PPM1H: variants seen among roughly 807,000 people sequenced by gnomAD.
PPM1H encodes the protein protein phosphatase, Mg2+/Mn2+ dependent 1H.
PPM1H carries 27 observed loss-of-function variants against 54.9 expected under a neutral mutation model. The observed-to-expected ratio is 0.49, with a 90% CI of 0.36 to 0.68. PPM1H has a LOEUF of 0.68. Ranked by LOEUF, PPM1H falls within the 30% of genes least tolerant of loss-of-function variation. PPM1H has a pLI of 0.00. For synonymous variants in PPM1H, 305 were observed against 270.8 expected (o/e 1.13, Z -1.24); for missense variants, 596 against 667.8 (o/e 0.89, Z 1.19).
chr12:62,820,034 G>T (rs1367261615), intron 2 of PPM1H, among the ~76,000 whole-genome samples: 1 of 152,242 alleles, frequency 6.6e-6, no homozygotes, highest in Non-Finnish European at 1.5e-5. Context: ...GGGAATCCAT[G>T]GCAGATTGTA....
chr12:62,868,350 G>A (rs781447650), intron 1 of PPM1H, among the ~76,000 whole-genome samples: 5 of 151,140 alleles, frequency 3.3e-5, no homozygotes, highest in Non-Finnish European at 5.9e-5. Flanking sequence ...GCTGGAGCCC[G>A]CTTCCTGCTA....
At chr12:62,735,639 G>A (rs2076345847) in intron 5 of PPM1H, among the ~76,000 whole-genome samples, 1 of 152,216 alleles carries the variant, frequency 6.6e-6, no homozygotes, top group South Asian at 2.1e-4. Context: ...CCAGAACACA[G>A]TCTGAAGAGG....
At chr12:62,926,993 A>T (rs1378370703) in intron 1 of PPM1H, among the ~76,000 whole-genome samples, 2 of 152,240 alleles carry the variant, frequency 1.3e-5, no homozygotes, top group Non-Finnish European at 2.9e-5. Flanking sequence ...TTAAATGGCT[A>T]ATAAATATCT....
chr12:62,648,330 G>A lies in PPM1H; in HGVS notation c.*159C>T, dbSNP rs1201817819. On this transcript the variant is annotated 3_prime_UTR_variant, in exon 10 of 10. Transcript: ENST00000228705. ...TACTAAAGAAGAAATGGAAACCAAAGGGTCATCTTGAAGCATAGTCTTTTG... is the reference window on the plus strand; with the variant it reads ...TACTAAAGAAGAAATGGAAACCAAAAGGTCATCTTGAAGCATAGTCTTTTG... 2 of 845,858 alleles carry A rather than the reference G, an allele frequency of 2.4e-6. No homozygotes were observed. Among genetic ancestry groups the A allele is most frequent in the South Asian group, 1.9e-5 (1 of 53,588 alleles). The allele number at this position is 845,858 out of a possible 1,614,324, so 52.4% of individuals were successfully genotyped here. A position where few individuals can be genotyped will look rare whatever the true frequency, so the allele number is the denominator to read the frequency against.
At chr12:62,783,640 A>G (rs940371606) in intron 4 of PPM1H, among the ~76,000 whole-genome samples, 1 of 152,232 alleles carries the variant, frequency 6.6e-6, no homozygotes, top group African/African-American at 2.4e-5. Context: ...AACAGTGCCT[A>G]CTTCTCACTA....
intron 6 of PPM1H, among the ~76,000 whole-genome samples, chr12:62,713,726 T>C (rs2076220569): frequency 6.6e-6 from 1 of 152,064 alleles, no homozygotes; most frequent in Non-Finnish European, 1.5e-5. Flanking sequence ...CCCAGCGCTT[T>C]GGGAGGCTGA....
chr12:62,758,935 T>C (rs567598897), intron 4 of PPM1H, among the ~76,000 whole-genome samples: 1 of 152,340 alleles, frequency 6.6e-6, no homozygotes, highest in Non-Finnish European at 1.5e-5. Context: ...AACCGATCAA[T>C]GTACTTTGTA....
chr12:62,818,247 C>A (rs1344158184), intron 2 of PPM1H, among the ~76,000 whole-genome samples: 8 of 152,128 alleles, frequency 5.3e-5, no homozygotes, highest in Admixed American at 3.9e-4. Context: ...TCACTTGGTA[C>A]CCTCCTCCTC....
intron 8 of PPM1H, among the ~76,000 whole-genome samples, chr12:62,674,073 A>G (rs2075972715): frequency 6.6e-6 from 1 of 152,132 alleles, no homozygotes; most frequent in African/African-American, 2.4e-5. Flanking sequence ...AAACACAAGA[A>G]AAAGGAAATA....
chr12:62,873,295 G>A (rs764864920), intron 1 of PPM1H, among the ~76,000 whole-genome samples: 5 of 152,276 alleles, frequency 3.3e-5, no homozygotes, highest in Middle Eastern at 3.4e-3. Flanking sequence ...ACACACATGC[G>A]CACCTTTTGT....
chr12:62,906,782 T>G (rs1312679520), intron 1 of PPM1H, among the ~76,000 whole-genome samples: 1 of 152,178 alleles, frequency 6.6e-6, no homozygotes, highest in African/African-American at 2.4e-5. Flanking sequence ...GTATTAAAAG[T>G]AGGACAGGGG....
intron 9 of PPM1H, among the ~76,000 whole-genome samples, chr12:62,652,728 T>C (rs1304878400): frequency 6.6e-6 from 1 of 152,200 alleles, no homozygotes; most frequent in Non-Finnish European, 1.5e-5. Flanking sequence ...AATGCCTTCT[T>C]TCATTTTCCA....
intron 2 of PPM1H, among the ~76,000 whole-genome samples, chr12:62,831,167 T>G (rs1592622986): frequency 1.3e-5 from 2 of 152,218 alleles, no homozygotes; most frequent in African/African-American, 4.8e-5. Flanking sequence ...TGAGATACTA[T>G]TTCTAAAACT....
At chr12:62,669,011 A>T (rs990301952) in intron 8 of PPM1H, among the ~76,000 whole-genome samples, 4 of 152,344 alleles carry the variant, frequency 2.6e-5, no homozygotes, top group Middle Eastern at 3.4e-3. Context: ...GCCTGTGAAC[A>T]AGAAGGTAAC....
At chr12:62,898,773 G>A (rs1453374842) in intron 1 of PPM1H, among the ~76,000 whole-genome samples, 2 of 152,194 alleles carry the variant, frequency 1.3e-5, no homozygotes, top group Admixed American at 1.3e-4. Flanking sequence ...ATGCCTGTAT[G>A]ACTCATGGAA....
At chr12:62,812,329 C>CA (rs58882825) in intron 2 of PPM1H, among the ~76,000 whole-genome samples, 24,991 of 152,122 alleles carry the variant, frequency 0.16, 3,009 homozygotes, top group African/African-American at 0.35. Context: ...TGACATAATA[C>CA]CTTCAAAATT....
intron 1 of PPM1H, among the ~76,000 whole-genome samples, chr12:62,914,861 T>C (rs1871571763): frequency 6.6e-6 from 1 of 152,128 alleles, no homozygotes; most frequent in South Asian, 2.1e-4. Flanking sequence ...ACATCTCTCT[T>C]CCTTATTCCC....
At chr12:62,692,832 G>T (rs2076090101) in intron 7 of PPM1H, among the ~76,000 whole-genome samples, 1 of 151,976 alleles carries the variant, frequency 6.6e-6, no homozygotes, top group Non-Finnish European at 1.5e-5. Context: ...ATTTGTGTTT[G>T]GTATTCCTCC....
intron 6 of PPM1H, among the ~76,000 whole-genome samples, chr12:62,716,366 G>A (rs12316840): frequency 0.12 from 17,741 of 152,098 alleles, 1,414 homozygotes; most frequent in African/African-American, 0.22. Context: ...TGTTTTAAGC[G>A]TTAGGTATGA....
Sources: allele counts gnomAD v4.1 joint callset (sites outside exome capture counted in the v4.1 genomes callset), GRCh38; gene constraint gnomAD v4.1.1; transcripts MANE v1.5; gene names NCBI Gene and HGNC (gene_info 2026-07-23, HGNC 2026-07-21).